Variants in CEACAM8 observed in about 807,000 individuals in gnomAD.
CEACAM8 encodes cell adhesion molecule CEACAM8.
A neutral mutation model predicts 33.4 loss-of-function variants in CEACAM8; 31 were observed. The observed-to-expected ratio is 0.93, with a 90% CI of 0.70 to 1.25. The LOEUF (loss-of-function observed/expected upper bound fraction) is 1.25. Among genes scored for constraint, CEACAM8 ranks in the 50% most tolerant of loss-of-function variants. The pLI, the probability that CEACAM8 is intolerant of heterozygous loss-of-function variation, is 0.00. For synonymous variants in CEACAM8, 138 were observed against 164.5 expected (o/e 0.84, Z 1.23); for missense variants, 388 against 434.6 (o/e 0.89, Z 0.95).
At chr19:42,591,976 G>A (rs1405615350) in intron 2 of CEACAM8, among the ~76,000 whole-genome samples, 1 of 152,182 alleles carries the variant, frequency 6.6e-6, no homozygotes, top group Non-Finnish European at 1.5e-5. Flanking sequence ...GGTTCAGTGA[G>A]GGGGGTTAGG....
At chr19:42,582,926 T>G (rs777031360) in intron 5 of CEACAM8, among the ~76,000 whole-genome samples, 1 of 152,118 alleles carries the variant, frequency 6.6e-6, no homozygotes, top group Non-Finnish European at 1.5e-5. Context: ...TGGGAATGGA[T>G]AAAATGACAC....
rs961216686 is a variant in CEACAM8 at position 42,593,890 on chromosome 19, G to A, written c.75C>T (p.Phe25=). The change falls in exon 2 of 6, where the codon TTC becomes TTT. Residue 25 remains phenylalanine, a synonymous_variant. Transcript: ENST00000244336. ...CAGTGGTGGGCGGGTTCCAGAAGGT[G>A]AAAAGTGAGGCTAGGAGGGGGAGAG... ...WQGLLLTASL[F]TFWNPPTTAQ... The A allele has an allele frequency of 1.3e-6, 2 of 1,587,848 alleles. No individual in the cohort carries two copies. Among genetic ancestry groups the A allele is most frequent in the Admixed American group, 1.7e-5 (1 of 57,302 alleles).
rs778214120 is a variant in CEACAM8, at chr19:42,583,344, T to C, written c.959-7A>G. ...CTTCCTTGTACTAAAGCATCTGTCA[T>C]GGAAAGAAAAGAAGAGAAGGAATGA... On this transcript the variant is annotated splice_polypyrimidine_tract_variant and splice_region_variant and intron_variant, in intron 4 of 5. Transcript: ENST00000244336. 5.6e-6 allele frequency: 9 copies of C among 1,595,682 alleles called. No homozygotes were observed. The highest frequency in any genetic ancestry group is 7.7e-6 in the Non-Finnish European group (9 of 1,164,156).
intron 4 of CEACAM8, among the ~76,000 whole-genome samples, chr19:42,586,320 G>A (rs2042336397): frequency 6.6e-6 from 1 of 152,044 alleles, no homozygotes; most frequent in African/African-American, 2.4e-5. Context: ...AAAAAATGCT[G>A]AATCCTGATT....
rs1395305953 is a variant in CEACAM8 at position 42,588,818 on chromosome 19, GC to G, written c.923del (p.Arg308ProfsTer8). ...ACHTTNSATG[R>X]NRTTVRMITV... is the part of the protein sequence containing the mutation. Reference sequence around the variant, plus strand: ...TGATCATCCTGACTGTGGTCCTGTTGCGGCCAGTGGCTGAGTTAGTGGTGTG... The same window carrying G: ...TGATCATCCTGACTGTGGTCCTGTTGGGCCAGTGGCTGAGTTAGTGGTGTG... On this transcript the variant is annotated frameshift_variant, in exon 4 of 6. Coordinates refer to ENST00000244336, the MANE Select transcript of CEACAM8 (RefSeq NM_001816.4). LOFTEE classifies it high-confidence loss of function. 6.2e-7 allele frequency: 1 copy of G among 1,614,196 alleles called. No individual in the cohort carries two copies.
chr19:42,583,508 T>C (rs563059996), intron 4 of CEACAM8, among the ~76,000 whole-genome samples, 171 bp from the exon 5 acceptor site: 26 of 152,224 alleles, frequency 1.7e-4, no homozygotes, highest in Non-Finnish European at 3.7e-4. Flanking sequence ...TCTTGCAGGA[T>C]TTTTTCCTCT....
intron 2 of CEACAM8, 31 bp downstream of exon 2, chr19:42,593,510 C>A (rs1270916100): frequency 1.9e-6 from 3 of 1,539,186 alleles, no homozygotes; most frequent in Non-Finnish European, 2.6e-6. Context: ...AACTGACCCC[C>A]AACACCCAGA....
chr19:42,589,156 C>G, intron 3 of CEACAM8, 118 bp from the exon 4 acceptor site: 4 of 1,240,328 alleles, frequency 3.2e-6, no homozygotes, highest in Non-Finnish European at 4.5e-6. Flanking sequence ...CAAGTCCCAA[C>G]CAACCCCAAC....
At chr19:42,583,767 G>C (rs1025325189) in intron 4 of CEACAM8, among the ~76,000 whole-genome samples, 7 of 152,190 alleles carry the variant, frequency 4.6e-5, no homozygotes, top group Non-Finnish European at 8.8e-5. Flanking sequence ...TTTGCACAGA[G>C]ACCTCTCTTC....
At chr19:42,593,477 A>G (rs527946234) in intron 2 of CEACAM8, 64 bp downstream of exon 2, 1 of 1,527,660 alleles carries the variant, frequency 6.5e-7, no homozygotes, top group African/African-American at 1.4e-5. Flanking sequence ...CCCAGGCCTA[A>G]CAATCCTGTG....
Position 42,593,917 on chromosome 19 carries a change from G to A in CEACAM8, c.65-17C>T. 6.4e-7 allele frequency: 1 copy of A among 1,555,290 alleles called. No homozygotes were observed. Among genetic ancestry groups the A allele is most frequent in the Non-Finnish European group, 8.7e-7 (1 of 1,151,124 alleles). ...AAAGTGAGGCTAGGAGGGGGAGAGA[G>A]CATCAAGCAATATTGCAACATATGT... On this transcript the variant is annotated splice_polypyrimidine_tract_variant and intron_variant, in intron 1 of 5. Transcript: ENST00000244336.
Position 42,589,691 on chromosome 19 carries a change from CG to C in CEACAM8, c.468del (p.Val157TrpfsTer24), listed in dbSNP as rs760053135. 1.1e-5 allele frequency: 18 copies of C among 1,614,050 alleles called. No individual in the cohort carries two copies. Among genetic ancestry groups the C allele is most frequent in the Non-Finnish European group, 1.5e-5 (18 of 1,180,026 alleles). On this transcript the variant is annotated frameshift_variant, in exon 3 of 6. Coordinates refer to ENST00000244336, the MANE Select transcript of CEACAM8 (RefSeq NM_001816.4). LOFTEE classifies it high-confidence loss of function. ...KPSISSNNSN[P>X]VEDKDAVAFT... ...AAGGCCACAGCATCCTTGTCCTCCA[CG>C]GGGTTGGAGTTGTTGCTGGAGATGG...
At chr19:42,585,408 G>C (rs1317655399) in intron 4 of CEACAM8, among the ~76,000 whole-genome samples, 2 of 150,276 alleles carry the variant, frequency 1.3e-5, no homozygotes, top group African/African-American at 4.9e-5. Context: ...GTTTACAAAA[G>C]TACTATGAAT....
intron 4 of CEACAM8, among the ~76,000 whole-genome samples, chr19:42,584,467 A>G (rs1330332718): frequency 4.6e-5 from 7 of 152,190 alleles, no homozygotes; most frequent in Admixed American, 4.6e-4. Context: ...AACTTTCCTG[A>G]TGTCATATGG....
chr19:42,585,808 T>A (rs2042327969), intron 4 of CEACAM8, among the ~76,000 whole-genome samples: 1 of 152,178 alleles, frequency 6.6e-6, no homozygotes, highest in Non-Finnish European at 1.5e-5. Flanking sequence ...ATTATCTGTC[T>A]GTTCACAGAC....
chr19:42,581,714 A>AC (rs1289602142), intron 5 of CEACAM8, among the ~76,000 whole-genome samples: 1 of 149,596 alleles, frequency 6.7e-6, no homozygotes, highest in Non-Finnish European at 1.5e-5. Context: ...ACATGGTGAA[A>AC]CCCCGTCTCT....
At chr19:42,589,219 C>T (rs2147865375) in intron 3 of CEACAM8, among the ~76,000 whole-genome samples, 181 bp from the exon 4 acceptor site, 1 of 152,324 alleles carries the variant, frequency 6.6e-6, no homozygotes, top group Admixed American at 6.5e-5. Flanking sequence ...ACCTGTTTCT[C>T]CCATCAGAAG....
At chr19:42,590,670 A>G (rs1269121695) in intron 2 of CEACAM8, among the ~76,000 whole-genome samples, 2 of 152,192 alleles carry the variant, frequency 1.3e-5, no homozygotes, top group Admixed American at 6.5e-5. Flanking sequence ...AGAGTGAAAT[A>G]AGCCACTGAC....
Position 42,588,949 on chromosome 19 carries a change from G to T in CEACAM8, c.793C>A (p.Pro265Thr). Reference sequence around the variant, plus strand: ...ACAGACCAAGAATACTGTGAGGGTGGATTAGAGGCCGCATGGCAGGAGAGG... The same window carrying T: ...ACAGACCAAGAATACTGTGAGGGTGTATTAGAGGCCGCATGGCAGGAGAGG... The part of the protein sequence containing the change: ...LNLSCHAASN[P>T]PSQYSWSVNG... The change falls in exon 4 of 6, where the codon CCA (proline) becomes ACA (threonine). Residue 265 changes from proline (P) to threonine (T), a missense_variant. Transcript: ENST00000244336. 1 of 1,614,212 alleles carries T rather than the reference G, an allele frequency of 6.2e-7. No homozygotes were observed. Among genetic ancestry groups the T allele is most frequent in the Non-Finnish European group, 8.5e-7 (1 of 1,180,030 alleles).
Sources: allele counts gnomAD v4.1 joint callset (sites outside exome capture counted in the v4.1 genomes callset), GRCh38; gene constraint gnomAD v4.1.1; transcripts MANE v1.5; gene names NCBI Gene and HGNC (gene_info 2026-07-23, HGNC 2026-07-21).